The following VWA8 variants were observed in gnomAD, a reference collection of about 807,000 sequenced individuals.
VWA8 encodes the protein von Willebrand factor A domain-containing protein 8.
A neutral mutation model predicts 241.5 loss-of-function variants in VWA8; 221 were observed. That is an observed-to-expected ratio of 0.91 (90% CI 0.82 to 1.02). The LOEUF is 1.02. Among genes scored for constraint, VWA8 ranks in the 50% least tolerant of loss-of-function variants. VWA8 has a pLI of 0.00. For missense variants in VWA8, 2,322 were observed against 2,328.7 expected (o/e 1.00, Z 0.06); for synonymous variants, 852 against 827.1 (o/e 1.03, Z -0.52).
At chr13:41,765,443 T>A (rs913043667) in intron 20 of VWA8, among the ~76,000 whole-genome samples, 1 of 152,234 alleles carries the variant, frequency 6.6e-6, no homozygotes, top group Non-Finnish European at 1.5e-5. Context: ...GAAGCTCTGA[T>A]AATTCCTTTG....
chr13:41,835,388 C>CGGAAA (rs1168951778), intron 12 of VWA8, among the ~76,000 whole-genome samples: 4 of 152,128 alleles, frequency 2.6e-5, no homozygotes, highest in Admixed American at 1.3e-4. Flanking sequence ...GACACATTGT[C>CGGAAA]AAAATTTGTT....
chr13:41,893,756 C>T (rs117913372), intron 4 of VWA8, among the ~76,000 whole-genome samples: 1,959 of 152,084 alleles, frequency 0.013, 21 homozygotes, highest in Middle Eastern at 0.048. Flanking sequence ...TGGTGGCGGG[C>T]GCCTGTAATC....
At chr13:41,742,020 T>G (rs1221274248) in intron 21 of VWA8, among the ~76,000 whole-genome samples, 1 of 151,970 alleles carries the variant, frequency 6.6e-6, no homozygotes, top group Non-Finnish European at 1.5e-5. Context: ...CACATAGAAG[T>G]TGGGGGATGC....
At chr13:41,953,585 C>T (rs1878228952) in intron 1 of VWA8, among the ~76,000 whole-genome samples, 1 of 152,166 alleles carries the variant, frequency 6.6e-6, no homozygotes, top group African/African-American at 2.4e-5. Context: ...GTGGGTGGAT[C>T]ACCTGAGGCC....
intron 2 of VWA8, chr13:41,926,345 C>T (rs1876833626): frequency 1.7e-5 from 10 of 579,650 alleles, no homozygotes; most frequent in Middle Eastern, 3.1e-4. Context: ...CTAAGATCAT[C>T]ACATGTATAA....
At chr13:41,593,609 C>T (rs950568205) in intron 40 of VWA8, among the ~76,000 whole-genome samples, 1 of 152,194 alleles carries the variant, frequency 6.6e-6, no homozygotes, top group Admixed American at 6.5e-5. Flanking sequence ...CATTTCTGTT[C>T]TCTAGTGTGG....
At chr13:41,816,363 A>T (rs1471473339) in intron 16 of VWA8, among the ~76,000 whole-genome samples, 3 of 152,168 alleles carry the variant, frequency 2.0e-5, no homozygotes, top group Admixed American at 6.5e-5. Flanking sequence ...GAACATAAAG[A>T]TGTAGGCATT....
In VWA8 at chr13:41,811,203, CAGTG is replaced by C. The variant is rs1566466572; in HGVS notation, c.2063+18_2063+21del. 1 of 1,574,512 alleles carries C rather than the reference CAGTG, an allele frequency of 6.4e-7. No individual in the cohort carries two copies. Among genetic ancestry groups the C allele is most frequent in the South Asian group, 1.1e-5 (1 of 89,186 alleles). ...TAGTGAAGATCCAGAAACTTACACG[CAGTG>C]AGAAAGAATATGTTTACCTGGAAAG... On this transcript the variant is annotated intron_variant, in intron 17 of 44. Coordinates refer to ENST00000379310, the MANE Select transcript of VWA8 (RefSeq NM_015058.2).
At chr13:41,665,202 C>T (rs556212957) in intron 37 of VWA8, among the ~76,000 whole-genome samples, 5 of 152,100 alleles carry the variant, frequency 3.3e-5, no homozygotes, top group South Asian at 4.2e-4. Flanking sequence ...TGAAGAATTC[C>T]GTAGCCCAAT....
At chr13:41,959,458 T>C (rs951592399) in intron 1 of VWA8, among the ~76,000 whole-genome samples, 1 of 29,464 alleles carries the variant, frequency 3.4e-5, no homozygotes, top group Non-Finnish European at 7.0e-5. Flanking sequence ...AACAAATGAA[T>C]AAACAGCCCA....
chr13:41,758,425 TATATAC>T, intron 21 of VWA8, among the ~76,000 whole-genome samples: 11 of 116,882 alleles, frequency 9.4e-5, no homozygotes, highest in African/African-American at 2.9e-4. Context: ...TATATATATA[TATATAC>T]GCTAGTATAT....
chr13:41,720,172 C>T (rs1224830882), intron 25 of VWA8, among the ~76,000 whole-genome samples: 1 of 152,004 alleles, frequency 6.6e-6, no homozygotes, highest in African/African-American at 2.4e-5. Flanking sequence ...AAAGATAAAG[C>T]AACAAGAAAA....
rs544461719 is a variant in VWA8, at chr13:41,647,781, G to A, written c.4611+23165C>T. Among the ~76,000 whole-genome samples the A allele has an allele frequency of 7.9e-5, 12 of 152,278 alleles. No homozygotes were observed. In the South Asian group the frequency reaches 2.5e-3, roughly 32 times the overall value. ...GAGGTGGGTGGATCACTTGAGGTCA[G>A]GAGTTTGAGACCAGATTGGCCAATA... is the stretch of plus-strand genomic sequence containing the variant. On this transcript the variant is annotated intron_variant, in intron 37 of 44. Transcript: ENST00000379310.
intron 37 of VWA8, among the ~76,000 whole-genome samples, chr13:41,617,690 C>T (rs1481334459): frequency 6.6e-6 from 1 of 152,006 alleles, no homozygotes; most frequent in Admixed American, 6.5e-5. Context: ...CGCCCTGTGT[C>T]CAAGTGTTCT....
chr13:41,820,117 T>C (rs1276539243), intron 14 of VWA8, among the ~76,000 whole-genome samples: 8 of 152,156 alleles, frequency 5.3e-5, no homozygotes, highest in Admixed American at 3.9e-4. Flanking sequence ...TTGGAAAACC[T>C]AGAAACCCTG....
intron 1 of VWA8, 136 bp from the exon 2 acceptor site, chr13:41,950,149 C>CCTG: frequency 2.1e-6 from 1 of 476,456 alleles, no homozygotes; most frequent in Non-Finnish European, 3.8e-6. Context: ...AAGTCAAGCA[C>CCTG]TATGCTCTAA....
chr13:41,784,039 T>C (rs2324835), intron 18 of VWA8, 138 bp from the exon 19 acceptor site: 12 of 644,358 alleles, frequency 1.9e-5, no homozygotes, highest in Non-Finnish European at 2.4e-5. Context: ...AGCTGGAGAG[T>C]AGTAATAAAA....
rs1186449380 is a variant in VWA8, at chr13:41,868,434, T to C, written c.1124A>G (p.Glu375Gly). The C allele has an allele frequency of 6.2e-7, 1 of 1,614,058 alleles. No individual in the cohort carries two copies. Among genetic ancestry groups the C allele is most frequent in the Non-Finnish European group, 8.5e-7 (1 of 1,179,978 alleles). ...QDSGSSLLPKEIVKVEKMMEN... is the reference protein window; with the variant it reads ...QDSGSSLLPKGIVKVEKMMEN... Reference sequence around the variant, plus strand: ...CATCATCTTCTCTACTTTTACAATCTCTTTAGGAAGTAGAGAGCTTCCTGA... The same window carrying C: ...CATCATCTTCTCTACTTTTACAATCCCTTTAGGAAGTAGAGAGCTTCCTGA... Residue 375 changes from glutamate (E) to glycine (G), a missense_variant, in exon 10 of 45, where the codon GAG becomes GGG. Glu to Gly is a moderately conservative substitution (Grantham distance 98, BLOSUM62 -2). Transcript: ENST00000379310.
intron 16 of VWA8, among the ~76,000 whole-genome samples, chr13:41,815,774 G>A (rs1404283952): frequency 1.3e-5 from 2 of 152,194 alleles, no homozygotes; most frequent in Non-Finnish European, 2.9e-5. Context: ...TTACTAGAGA[G>A]TCATATGATG....
Sources: allele counts gnomAD v4.1 joint callset (sites outside exome capture counted in the v4.1 genomes callset), GRCh38; gene constraint gnomAD v4.1.1; transcripts MANE v1.5; gene names NCBI Gene and HGNC (gene_info 2026-07-23, HGNC 2026-07-21).